Variants in NRCAM observed in about 807,000 individuals in gnomAD.
The protein encoded by NRCAM is NgCAM-related cell adhesion molecule.
Under a neutral mutation model 156.5 loss-of-function variants are expected in NRCAM, and 83 were observed. That is an observed-to-expected ratio of 0.53 (90% confidence interval 0.44 to 0.64). The LOEUF (loss-of-function observed/expected upper bound fraction) is 0.64. Among genes scored for constraint, NRCAM ranks in the 30% least tolerant of loss-of-function variants. The pLI is 0.00. For synonymous variants in NRCAM, 538 were observed against 563.9 expected (o/e 0.95, Z 0.65); for missense variants, 1,417 against 1,597.3 (o/e 0.89, Z 1.92).
intron 3 of NRCAM, among the ~76,000 whole-genome samples, chr7:108,289,016 C>T (rs2098199103): frequency 6.6e-6 from 1 of 151,900 alleles, no homozygotes; most frequent in Non-Finnish European, 1.5e-5. Flanking sequence ...ATGAATTGAA[C>T]GGGGCTGAAA....
In NRCAM at chr7:108,182,778, G is replaced by A. The variant is rs376804585; in HGVS notation, c.2447C>T (p.Pro816Leu). The A allele has an allele frequency of 1.1e-5, 18 of 1,614,090 alleles. No individual in the cohort carries two copies. The highest frequency in any genetic ancestry group is 3.3e-4 in the Middle Eastern group (2 of 6,084). The change falls in exon 23 of 33, where the codon CCA becomes CTA. Residue 816 changes from proline to leucine, a missense_variant. Pro to Leu is a moderately conservative substitution (Grantham distance 98, BLOSUM62 -3). This residue lies in a region of NRCAM where 1,238 missense variants were observed against 1,336.4 expected (regional missense o/e 0.93). Transcript: ENST00000379028. Reference protein sequence around the residue: ...YIVSGTPTFVPYLIKVQALND... With the variant: ...YIVSGTPTFVLYLIKVQALND... ...CAGGGCCTGAACTTTGATCAGGTAT[G>A]GAACAAAGGTTGGCGTGCCTGAGAC...
At chr7:108,223,672 A>T (rs1370918333) in intron 11 of NRCAM, 53 bp downstream of exon 11, 8 of 899,718 alleles carry the variant, frequency 8.9e-6, no homozygotes, top group Non-Finnish European at 1.5e-5. Context: ...CTCTCTACCA[A>T]CCTACTATAT....
At chr7:108,403,406 A>G (rs989882332) in intron 1 of NRCAM, among the ~76,000 whole-genome samples, 1 of 152,228 alleles carries the variant, frequency 6.6e-6, no homozygotes, top group African/African-American at 2.4e-5. Flanking sequence ...AAAGCCAGCA[A>G]CAATACCAAA....
chr7:108,337,159 T>A (rs1307141277), intron 2 of NRCAM, among the ~76,000 whole-genome samples: 1 of 151,212 alleles, frequency 6.6e-6, no homozygotes, highest in East Asian at 2.0e-4. Context: ...GCTACTCAGG[T>A]AGGTAAGGTG....
At chr7:108,350,004 C>A (rs866227530) in intron 2 of NRCAM, among the ~76,000 whole-genome samples, 40 of 152,334 alleles carry the variant, frequency 2.6e-4, no homozygotes, top group Admixed American at 3.3e-4. Context: ...TCACGCTTCA[C>A]CCAAAATGGC....
rs1015816519 is a variant in NRCAM, at chr7:108,168,135, A to T, written c.3313+142T>A. ...ATATGTGGTAGGCTGATGGTTCACT[A>T]TAATTTTTTTAGATAACTCATTCAT... On this transcript the variant is annotated intron_variant, in intron 29 of 32. Transcript: ENST00000379028. 5.7e-6 allele frequency: 5 copies of T among 879,380 alleles called. No individual in the cohort carries two copies. The African/African-American group carries it at 8.7e-5, about 15-fold the overall frequency. 54.5% of individuals were successfully genotyped at this position (879,380 alleles called of 1,614,324 possible). A position where few individuals can be genotyped will look rare whatever the true frequency, so the allele number is the denominator to read the frequency against.
intron 3 of NRCAM, among the ~76,000 whole-genome samples, chr7:108,282,133 G>A (rs979605082): frequency 1.3e-5 from 2 of 152,150 alleles, no homozygotes; most frequent in African/African-American, 4.8e-5. Context: ...AAACTTAGTA[G>A]TATAACAAAG....
At chr7:108,284,890 C>T (rs997335025) in intron 3 of NRCAM, among the ~76,000 whole-genome samples, 1 of 152,182 alleles carries the variant, frequency 6.6e-6, no homozygotes, top group African/African-American at 2.4e-5. Context: ...GCACTTAGCA[C>T]AGCTACTGGC....
At chr7:108,324,877 C>CATTTTTTTTTTTTTTT (rs201240389) in intron 2 of NRCAM, among the ~76,000 whole-genome samples, 1 of 82,676 alleles carries the variant, frequency 1.2e-5, no homozygotes. Context: ...TGGCACTGTA[C>CATTTTTTTTTTTTTTT]TTTTTTTTTT....
chr7:108,206,842 A>C (rs974098097), intron 13 of NRCAM, among the ~76,000 whole-genome samples: 2 of 152,208 alleles, frequency 1.3e-5, no homozygotes, highest in Admixed American at 1.3e-4. Flanking sequence ...ATATTGGCTA[A>C]TGAAGTGGAA....
chr7:108,425,724 G>A (rs1188051163), intron 1 of NRCAM, among the ~76,000 whole-genome samples: 1 of 152,148 alleles, frequency 6.6e-6, no homozygotes, highest in Non-Finnish European at 1.5e-5. Context: ...TGACCTGTCT[G>A]GCTCTAGAGA....
At chr7:108,310,733 T>C (rs1353576039) in intron 3 of NRCAM, among the ~76,000 whole-genome samples, 1 of 152,132 alleles carries the variant, frequency 6.6e-6, no homozygotes, top group Non-Finnish European at 1.5e-5. Flanking sequence ...GGGAAACAAA[T>C]TGGGAAGACT....
intron 1 of NRCAM, among the ~76,000 whole-genome samples, chr7:108,413,828 C>A (rs1031826272): frequency 2.6e-5 from 4 of 152,244 alleles, no homozygotes. Context: ...CCTCTCCACA[C>A]TGTTCCTCTG....
intron 17 of NRCAM, among the ~76,000 whole-genome samples, chr7:108,193,771 T>C (rs1386275651): frequency 1.3e-5 from 2 of 152,204 alleles, no homozygotes; most frequent in African/African-American, 2.4e-5. Flanking sequence ...TGAGGGTTTT[T>C]TCCCATCCTG....
intron 30 of NRCAM, among the ~76,000 whole-genome samples, chr7:108,165,143 C>A (rs2053090551): frequency 6.6e-6 from 1 of 152,178 alleles, no homozygotes; most frequent in Non-Finnish European, 1.5e-5. Context: ...TGCAGGGGTC[C>A]AGAATCACTG....
At chr7:108,306,875 A>T (rs2098722373) in intron 3 of NRCAM, among the ~76,000 whole-genome samples, 1 of 152,202 alleles carries the variant, frequency 6.6e-6, no homozygotes, top group South Asian at 2.1e-4. Context: ...ATATTATTCA[A>T]GTGCAAACTG....
chr7:108,271,392 AG>A (rs1166747274), intron 3 of NRCAM, among the ~76,000 whole-genome samples: 4 of 152,188 alleles, frequency 2.6e-5, no homozygotes, highest in Non-Finnish European at 5.9e-5. Context: ...CCATTTAGGA[AG>A]GTATATTAGA....
intron 26 of NRCAM, 72 bp from the exon 27 acceptor site, chr7:108,176,678 G>T: frequency 8.5e-7 from 1 of 1,176,474 alleles, no homozygotes; most frequent in Admixed American, 2.4e-5. Context: ...AAATAAATAC[G>T]TCAACTAAAA....
At chr7:108,304,544 T>TA (rs1364879648) in intron 3 of NRCAM, among the ~76,000 whole-genome samples, 1 of 152,170 alleles carries the variant, frequency 6.6e-6, no homozygotes, top group African/African-American at 2.4e-5. Flanking sequence ...AAGCAATAGA[T>TA]AATGTTTATT....
Sources: allele counts gnomAD v4.1 joint callset (sites outside exome capture counted in the v4.1 genomes callset), GRCh38; gene constraint gnomAD v4.1.1; regional missense constraint gnomAD v4.1.1; transcripts MANE v1.5; gene names NCBI Gene and HGNC (gene_info 2026-07-23, HGNC 2026-07-21).